The following FSTL4 variants were observed in gnomAD, a reference collection of about 807,000 sequenced individuals.
The protein encoded by FSTL4 is follistatin-related protein 4.
Under a neutral mutation model 78.2 loss-of-function variants are expected in FSTL4, and 28 were observed. That is an observed-to-expected ratio of 0.36 (90% CI 0.27 to 0.49). FSTL4 has a LOEUF of 0.49. Among genes scored for constraint, FSTL4 ranks in the 20% least tolerant of loss-of-function variants. The pLI, the probability that FSTL4 is intolerant of heterozygous loss-of-function variation, is 0.98. For missense variants in FSTL4, 922 were observed against 1,084.9 expected (o/e 0.85, Z 2.11); for synonymous variants, 422 against 440.5 (o/e 0.96, Z 0.53).
At chr5:133,406,587 T>C (rs113344435) in intron 3 of FSTL4, among the ~76,000 whole-genome samples, 1,888 of 152,304 alleles carry the variant, frequency 0.012, 29 homozygotes, top group African/African-American at 0.042. Context: ...CTGCGTCAGG[T>C]CCACCTCCAC....
intron 4 of FSTL4, among the ~76,000 whole-genome samples, chr5:133,341,418 T>C (rs547748495): frequency 4.7e-4 from 72 of 152,218 alleles, no homozygotes; most frequent in African/African-American, 1.7e-3. Context: ...CGGCTGGCTC[T>C]CATACCCCAG....
rs1019391992 is a variant in FSTL4, at chr5:133,236,945, G to A, written c.895-3408C>T. 6.6e-6 allele frequency among the ~76,000 whole-genome samples: 1 copy of A among 152,236 alleles called. No individual in the cohort carries two copies. The highest frequency in any genetic ancestry group is 1.5e-5 in the Non-Finnish European group (1 of 68,044). ...AATGTGAGCTCTGCAGAGGAGGGCA[G>A]GGAGGCTTGTGCCCTGTGTGCCTGT... On this transcript the variant is annotated intron_variant, in intron 7 of 15. Transcript: ENST00000265342. The surrounding 1 kb of genome is among the most constrained non-coding windows in gnomAD (Gnocchi z 5.0).
chr5:133,244,603 G>A (rs1165961954), intron 7 of FSTL4: 1 of 152,352 alleles, frequency 6.6e-6, no homozygotes, highest in African/African-American at 2.4e-5. Flanking sequence ...CCACTGCCAG[G>A]AGGGGCTGCA....
chr5:133,720,871 C>T, the FSTL4 span: 19 of 152,404 alleles, frequency 1.2e-4, no homozygotes, highest in African/African-American at 4.3e-4. Flanking sequence ...TTAGGTTTGA[C>T]ACATTTGGGT....
At chr5:133,318,754 G>A (rs940705948) in intron 4 of FSTL4, among the ~76,000 whole-genome samples, 4 of 152,236 alleles carry the variant, frequency 2.6e-5, no homozygotes, top group Admixed American at 6.5e-5. Context: ...GTGAGGACAG[G>A]CTGGGTCAAA....
intron 3 of FSTL4, among the ~76,000 whole-genome samples, chr5:133,460,346 C>G (rs190609730): frequency 6.6e-6 from 1 of 152,118 alleles, no homozygotes; most frequent in Non-Finnish European, 1.5e-5. Flanking sequence ...GATGACAGCG[C>G]CACCTAGTGT....
chr5:133,794,445 C>T, the FSTL4 span, among the ~76,000 whole-genome samples: 3 of 152,174 alleles, frequency 2.0e-5, no homozygotes, highest in Non-Finnish European at 1.5e-5. Flanking sequence ...GCTCCAGCAG[C>T]AACTCTATGG....
At chr5:133,381,369 G>T (rs1755564439) in intron 4 of FSTL4, among the ~76,000 whole-genome samples, 1 of 152,234 alleles carries the variant, frequency 6.6e-6, no homozygotes, top group South Asian at 2.1e-4. Context: ...TTACAAATCA[G>T]ATACTGAGTG....
At chr5:133,546,849 T>C (rs974586181) in intron 3 of FSTL4, among the ~76,000 whole-genome samples, 6 of 152,024 alleles carry the variant, frequency 3.9e-5, no homozygotes, top group Non-Finnish European at 1.5e-5. Context: ...GCCACTGCTC[T>C]AGAAAGTACA....
At chr5:133,717,485 T>C in the FSTL4 span, among the ~76,000 whole-genome samples, 4 of 152,232 alleles carry the variant, frequency 2.6e-5, no homozygotes, top group Non-Finnish European at 4.4e-5. Context: ...TTGATGCATT[T>C]TGATAAATTT....
chr5:133,570,476 G>C (rs2112947162), intron 2 of FSTL4, among the ~76,000 whole-genome samples: 1 of 152,174 alleles, frequency 6.6e-6, no homozygotes, highest in East Asian at 1.9e-4. Context: ...CTCAGAGACT[G>C]ACTGAAAGGG....
intron 4 of FSTL4, among the ~76,000 whole-genome samples, chr5:133,333,429 CTG>C (rs1463618600): frequency 1.3e-5 from 2 of 152,226 alleles, no homozygotes; most frequent in African/African-American, 4.8e-5. Flanking sequence ...CCAGCTCTAA[CTG>C]TGATGGGAGA....
intron 3 of FSTL4, among the ~76,000 whole-genome samples, chr5:133,507,374 G>A (rs761949953): frequency 1.0e-3 from 159 of 152,030 alleles, no homozygotes; most frequent in Non-Finnish European, 1.9e-3. Context: ...TTCTGCAGAC[G>A]GATCAGAAAG....
rs535384665 is a variant in FSTL4 at position 133,342,064 on chromosome 5, G to A, written c.410-25412C>T. 3.9e-4 allele frequency among the ~76,000 whole-genome samples: 60 copies of A among 152,210 alleles called. 1 individual carries two copies. Among genetic ancestry groups the A allele is most frequent in the Non-Finnish European group, 4.8e-4 (33 of 68,044 alleles). On this transcript the variant is annotated intron_variant, in intron 4 of 15. Transcript: ENST00000265342. ...GACCCCACACAGGGTGGGGTCCACA[G>A]AGGCCCCAGGAATGGACAGGGAATC...
intron 6 of FSTL4, chr5:133,276,127 A>G (rs1029882585): frequency 2.0e-5 from 3 of 152,212 alleles, no homozygotes; most frequent in Non-Finnish European, 4.4e-5. Flanking sequence ...GTCAACAGAG[A>G]GCAATCACAA....
intron 3 of FSTL4, among the ~76,000 whole-genome samples, chr5:133,409,700 C>T (rs1344353958): frequency 6.6e-6 from 1 of 152,224 alleles, no homozygotes; most frequent in Admixed American, 6.5e-5. Flanking sequence ...CCAGGCCTGG[C>T]ACAGATTGGG....
chr5:133,664,271 C>G, the FSTL4 span, among the ~76,000 whole-genome samples: 1 of 152,120 alleles, frequency 6.6e-6, no homozygotes, highest in East Asian at 1.9e-4. Context: ...GGGCGGCAGA[C>G]CCTGATCTGG....
chr5:133,689,892 T>G, the FSTL4 span, among the ~76,000 whole-genome samples: 2 of 151,914 alleles, frequency 1.3e-5, no homozygotes, highest in African/African-American at 4.8e-5. Context: ...GAAACCCCGT[T>G]TCTACTAAAA....
At chr5:133,544,858 G>A (rs544381738) in intron 3 of FSTL4, among the ~76,000 whole-genome samples, 1 of 152,288 alleles carries the variant, frequency 6.6e-6, no homozygotes, top group Non-Finnish European at 1.5e-5. Flanking sequence ...GCTCAACAGA[G>A]ATTTTACAGG....
Sources: gnomAD v4.1 joint callset for allele counts (sites outside exome capture counted in the v4.1 genomes callset) on GRCh38, gnomAD v4.1.1 for gene constraint, Gnocchi (gnomAD v3.1) non-coding constraint, MANE v1.5 for transcripts, NCBI Gene and HGNC (gene_info 2026-07-23, HGNC 2026-07-21) for gene names.